The following FLCN variants were observed in gnomAD, a reference collection of about 807,000 sequenced individuals.
FLCN encodes the protein folliculin, also known as BHD skin lesion fibrofolliculoma protein.
In FLCN, 22 loss-of-function variants were observed where a neutral mutation model predicts 62.5. The observed-to-expected ratio is 0.35, with a 90% CI of 0.25 to 0.50. FLCN has a LOEUF of 0.50. Among genes scored for constraint, FLCN ranks in the 20% least tolerant of loss-of-function variants. The pLI is 0.97. For synonymous variants in FLCN, 319 were observed against 310.0 expected (o/e 1.03, Z -0.30); for missense variants, 657 against 778.0 (o/e 0.84, Z 1.85).
At chr17:17,223,701 C>A (rs947279807) in intron 6 of FLCN, among the ~76,000 whole-genome samples, 5 of 152,238 alleles carry the variant, frequency 3.3e-5, no homozygotes, top group Admixed American at 3.3e-4. Context: ...TGAGCGAGAA[C>A]CAGGACAACG....
chr17:17,228,285 G>A (rs1360720239), intron 3 of FLCN, 124 bp from the exon 4 acceptor site: 17 of 1,211,364 alleles, frequency 1.4e-5, no homozygotes, highest in Admixed American at 4.7e-5. Context: ...GAGGCCACCC[G>A]CCAGTTCCCC....
Position 17,224,404 on chromosome 17 carries a change from A to C in FLCN, c.397-261T>G, listed in dbSNP as rs1435527982. 7.5e-6 allele frequency: 4 copies of C among 533,072 alleles called. No individual in the cohort carries two copies. In the Admixed American group the frequency reaches 9.4e-5, roughly 13 times the overall value. The allele number at this position is 533,072 out of a possible 1,614,324, so 33.0% of individuals were successfully genotyped here. On this transcript the variant is annotated intron_variant, in intron 5 of 13. Coordinates refer to ENST00000285071, the MANE Select transcript of FLCN (RefSeq NM_144997.7). ...TTTCTTCCACCTTGAGCCATAAATAACTCCCATGCATATGTCACACCTCTC... is the reference window on the plus strand; with the variant it reads ...TTTCTTCCACCTTGAGCCATAAATACCTCCCATGCATATGTCACACCTCTC...
intron 6 of FLCN, among the ~76,000 whole-genome samples, chr17:17,223,420 G>A (rs1187273425): frequency 2.9e-5 from 3 of 105,232 alleles, no homozygotes; most frequent in Non-Finnish European, 6.6e-5. Context: ...TATGGCTGCC[G>A]CTCTGCCTGC....
chr17:17,216,648 C>A lies in FLCN; in HGVS notation c.1177-145G>T, dbSNP rs2046934133. 7.4e-6 allele frequency: 10 copies of A among 1,342,350 alleles called. No individual in the cohort carries two copies. Among genetic ancestry groups the A allele is most frequent in the Non-Finnish European group, 1.0e-5 (10 of 978,506 alleles). 83.2% of individuals were successfully genotyped at this position (1,342,350 alleles called of 1,614,324 possible). ...CCAGAGGAGTCCCCAGACTCTCAGC[C>A]CACAGTGGGGGTGAGGGGGGAGGGT... On this transcript the variant is annotated intron_variant, in intron 10 of 13. Coordinates refer to ENST00000285071, the MANE Select transcript of FLCN (RefSeq NM_144997.7). This position sits in a 1 kb window ranked among gnomAD's most constrained non-coding sequence, Gnocchi z 4.0.
chr17:17,215,338 G>C (rs1567808138), intron 11 of FLCN, 22 bp from the exon 12 acceptor site: 5 of 1,613,492 alleles, frequency 3.1e-6, no homozygotes, highest in Non-Finnish European at 4.2e-6. Flanking sequence ...CAAGGCCCGT[G>C]GCTCCTCATC....
chr17:17,215,341 T>C (rs569443309), intron 11 of FLCN, 25 bp from the exon 12 acceptor site: 1 of 1,612,708 alleles, frequency 6.2e-7, no homozygotes, highest in East Asian at 2.2e-5. Flanking sequence ...GGCCCGTGGC[T>C]CCTCATCTCC....
rs767714543 is a variant in FLCN, at chr17:17,217,143, C to T, written c.1102G>A (p.Val368Ile). 7.4e-6 allele frequency: 12 copies of T among 1,614,104 alleles called. No homozygotes were observed. The highest frequency in any genetic ancestry group is 1.7e-5 in the Admixed American group (1 of 60,020). ...APSFRMLAWH[V>I]LMGNQVIWKS... is the part of the protein sequence containing the mutation. ...CAGATCACCTGGTTCCCCATGAGAA[C>T]GTGCCAGGCCAGCATGCGGAAAGAA... Residue 368 changes from valine (V) to isoleucine (I), a missense_variant, in exon 10 of 14, where the codon GTT (valine) becomes ATT (isoleucine). Transcript: ENST00000285071.
At chr17:17,233,645 A>C (rs2047488874) in intron 1 of FLCN, among the ~76,000 whole-genome samples, 1 of 148,428 alleles carries the variant, frequency 6.7e-6, no homozygotes, top group Non-Finnish European at 1.5e-5. Context: ...CCTCTAGTCC[A>C]AGTTACTTGG....
At chr17:17,223,008 C>T (rs1274804041) in intron 6 of FLCN, 6 of 385,902 alleles carry the variant, frequency 1.6e-5, no homozygotes, top group African/African-American at 4.2e-5. Flanking sequence ...CTAAGGCACA[C>T]GTGACTGGCT....
chr17:17,235,224 G>A (rs1249621024), intron 1 of FLCN, among the ~76,000 whole-genome samples: 1 of 152,192 alleles, frequency 6.6e-6, no homozygotes, highest in East Asian at 1.9e-4. Context: ...AGGTTGCAGT[G>A]AGCTGAGATC....
intron 9 of FLCN, among the ~76,000 whole-genome samples, 154 bp downstream of exon 9, chr17:17,218,865 C>G: frequency 6.6e-6 from 1 of 152,336 alleles, no homozygotes; most frequent in East Asian, 1.9e-4. Context: ...ATACCCCCAA[C>G]GCCCTGTGCC....
chr17:17,213,470 G>T lies in FLCN; in HGVS notation c.*185C>A. The T allele has an allele frequency of 1.4e-6, 1 of 719,364 alleles. No homozygotes were observed. Among genetic ancestry groups the T allele is most frequent in the Admixed American group, 2.2e-5 (1 of 45,090 alleles). 44.6% of individuals were successfully genotyped at this position (719,364 alleles called of 1,614,324 possible). A position where few individuals can be genotyped will look rare whatever the true frequency, so the allele number is the denominator to read the frequency against. On this transcript the variant is annotated 3_prime_UTR_variant, in exon 14 of 14. Transcript: ENST00000285071. Reference sequence around the variant, plus strand: ...ATCTTCAGCGATTCCAACGGCTGGAGGGAGAGTCTGGGAAGCACACAGGCC... The same window carrying T: ...ATCTTCAGCGATTCCAACGGCTGGATGGAGAGTCTGGGAAGCACACAGGCC...
At chr17:17,224,489 G>A (rs976271329) in intron 5 of FLCN, 1 of 439,766 alleles carries the variant, frequency 2.3e-6, no homozygotes, top group Non-Finnish European at 4.3e-6. Flanking sequence ...GCAGGTCAGA[G>A]CAGCCACTGC....
At chr17:17,221,117 AG>A in intron 8 of FLCN, 1 of 1,359,034 alleles carries the variant, frequency 7.4e-7, no homozygotes, top group Non-Finnish European at 9.5e-7. Context: ...GGGGAAGCCC[AG>A]GCACCTGGGA....
chr17:17,219,037 G>A lies in FLCN; in HGVS notation c.1044C>T (p.Ser348=), dbSNP rs200224064. 3 of 1,613,864 alleles carry A rather than the reference G, an allele frequency of 1.9e-6. No homozygotes were observed. In the East Asian group the frequency reaches 6.7e-5, roughly 36 times the overall value. ...CGCCTACCTGCCTCATGTGCCGGAGGGACTTGAAGACTGGCAGCTTCCGGG... is the reference window on the plus strand; with the variant it reads ...CGCCTACCTGCCTCATGTGCCGGAGAGACTTGAAGACTGGCAGCTTCCGGG... ...WQPRKLPVFK[S]LRHMRQVLGA... The change falls in exon 9 of 14, where the codon TCC becomes TCT. Residue 348 remains serine (S), a synonymous_variant. Coordinates refer to ENST00000285071, the MANE Select transcript of FLCN (RefSeq NM_144997.7).
Position 17,216,492 on chromosome 17 carries a change from G to C in FLCN, c.1188C>G (p.Pro396=). The change falls in exon 11 of 14, where the codon CCC becomes CCG. Residue 396 remains proline, a synonymous_variant. Transcript: ENST00000285071. This position sits in a 1 kb window ranked among gnomAD's most constrained non-coding sequence, Gnocchi z 4.0. ...ATGGGATGATGCGGACGCAGCCCAC[G>C]GGAAGCATGGTCTGAGGAGGACAGC... ...SAFEVLRTML[P]VGCVRIIPYS... The C allele has an allele frequency of 1.9e-6, 3 of 1,613,804 alleles. No homozygotes were observed. The highest frequency in any genetic ancestry group is 2.5e-6 in the Non-Finnish European group (3 of 1,179,896).
intron 6 of FLCN, among the ~76,000 whole-genome samples, chr17:17,223,553 G>A (rs2047157630): frequency 6.6e-6 from 1 of 152,232 alleles, no homozygotes; most frequent in African/African-American, 2.4e-5. Context: ...ACCTGGCCTG[G>A]CCTGGCCTGA....
chr17:17,222,653 C>T lies in FLCN; in HGVS notation c.627G>A (p.Glu209=). The T allele has an allele frequency of 6.2e-7, 1 of 1,614,178 alleles. No homozygotes were observed. The highest frequency in any genetic ancestry group is 8.5e-7 in the Non-Finnish European group (1 of 1,180,036). Residue 209 remains glutamate, a synonymous_variant, in exon 7 of 14, where the codon GAG becomes GAA. Transcript: ENST00000285071. ...GCTGTGGGCATCCAAACTGCTCTGC[C>T]TCAAACACCTGAAATGCAAAGGGAA... ...ELQGKALKVF[E]AEQFGCPQRA... is the part of the protein sequence containing the mutation.
intron 13 of FLCN, among the ~76,000 whole-genome samples, chr17:17,214,429 A>C (rs1440671042): frequency 6.6e-6 from 1 of 151,964 alleles, no homozygotes; most frequent in Non-Finnish European, 1.5e-5. Flanking sequence ...CCCTGTCTCT[A>C]CTAAAAATAC....
Sources: gnomAD v4.1 joint callset for allele counts (sites outside exome capture counted in the v4.1 genomes callset) on GRCh38, gnomAD v4.1.1 for gene constraint, Gnocchi (gnomAD v3.1) non-coding constraint, MANE v1.5 for transcripts, NCBI Gene and HGNC (gene_info 2026-07-23, HGNC 2026-07-21) for gene names.